Variants in DHRS7 observed in about 807,000 individuals in gnomAD.
DHRS7 encodes the protein dehydrogenase/reductase SDR family member 7.
In DHRS7, 34 loss-of-function variants were observed where a neutral mutation model predicts 38.9. The ratio of observed to expected loss-of-function variants is 0.87; its 90% CI spans 0.66 to 1.16. The LOEUF (loss-of-function observed/expected upper bound fraction) is 1.16, where lower values mean the gene tolerates loss of function less well. Ranked by LOEUF, DHRS7 falls within the 50% of genes most tolerant of loss-of-function variation. The pLI, the probability that DHRS7 is intolerant of heterozygous loss-of-function variation, is 0.00. For missense variants in DHRS7, 421 were observed against 407.0 expected (o/e 1.03, Z -0.30); for synonymous variants, 158 against 153.1 (o/e 1.03, Z -0.24).
At chr14:60,160,851 A>G (rs1370851333) in intron 1 of DHRS7, among the ~76,000 whole-genome samples, 1 of 152,162 alleles carries the variant, frequency 6.6e-6, no homozygotes, top group Non-Finnish European at 1.5e-5. Context: ...TCAGCCTCCC[A>G]AAGTGCTGGG....
At chr14:60,150,658 A>G (rs536124918) in intron 4 of DHRS7, among the ~76,000 whole-genome samples, 2 of 152,268 alleles carry the variant, frequency 1.3e-5, no homozygotes, top group South Asian at 2.1e-4. Flanking sequence ...ATCCTTTTTT[A>G]TGGATGCATA....
In DHRS7 at chr14:60,165,251, A is replaced by C. The variant is rs766140139; in HGVS notation, c.59T>G (p.Val20Gly). 1 of 1,609,006 alleles carries C rather than the reference A, an allele frequency of 6.2e-7. No individual in the cohort carries two copies. The highest frequency in any genetic ancestry group is 1.3e-5 in the African/African-American group (1 of 74,916). Residue 20 changes from valine to glycine, a missense_variant, in exon 1 of 7, where the codon GTG (valine) becomes GGG (glycine). Transcript: ENST00000557185. This position sits in a 1 kb window ranked among gnomAD's most constrained non-coding sequence, Gnocchi z 4.6. ...LVLCALLLLL[V>G]QLLRFLRADG... ...AGCCCTCAGGAAGCGCAGCAGCTGC[A>C]CCAAGAGCAGGAGCAGCGCGCACAG...
chr14:60,150,825 A>C (rs1231381105), intron 4 of DHRS7, among the ~76,000 whole-genome samples: 3 of 152,204 alleles, frequency 2.0e-5, no homozygotes, highest in Non-Finnish European at 2.9e-5. Flanking sequence ...AGCTCTTTCC[A>C]GGTATAAATG....
Position 60,154,000 on chromosome 14 carries a change from G to A in DHRS7, c.352C>T (p.His118Tyr), listed in dbSNP as rs146929831. ...LPLDLTDTGSHEAATKAVLQE... is the reference protein window; with the variant it reads ...LPLDLTDTGSYEAATKAVLQE... ...AGAACAGCTTTGGTAGCCGCTTCATGGGAACCAGTGTCGGTCAGGTCAAGG... is the reference window on the plus strand; with the variant it reads ...AGAACAGCTTTGGTAGCCGCTTCATAGGAACCAGTGTCGGTCAGGTCAAGG... The change falls in exon 3 of 7, where the codon CAT (histidine) becomes TAT (tyrosine). Residue 118 changes from histidine to tyrosine, a missense_variant. By Grantham distance (83) the His-to-Tyr change is moderately conservative (BLOSUM62 2). Coordinates refer to ENST00000557185, the MANE Select transcript of DHRS7 (RefSeq NM_016029.4). The surrounding 1 kb of genome is among the most constrained non-coding windows in gnomAD (Gnocchi z 4.4). 6.8e-6 allele frequency: 11 copies of A among 1,613,932 alleles called. No homozygotes were observed. In the African/African-American group the frequency reaches 1.3e-4, roughly 20 times the overall value.
upstream of DHRS7, among the ~76,000 whole-genome samples, chr14:60,169,326 G>A (rs1035241055): frequency 2.6e-5 from 4 of 152,104 alleles, no homozygotes; most frequent in African/African-American, 9.7e-5. Context: ...CTCACCTCCT[G>A]TGTGCAAACC....
rs1292054764 is a variant in DHRS7, at chr14:60,162,623, G to A, written c.133+2554C>T. ...AATAATAAACCTACAGAGAAGTCAA[G>A]AAGGATTTTTTTTTCTTTTTTCATC... is the stretch of plus-strand genomic sequence containing the variant. On this transcript the variant is annotated intron_variant, in intron 1 of 6. Transcript: ENST00000557185. This position sits in a 1 kb window ranked among gnomAD's most constrained non-coding sequence, Gnocchi z 4.5. Among the ~76,000 whole-genome samples, 2 of 152,104 alleles carry A rather than the reference G, an allele frequency of 1.3e-5. No individual in the cohort carries two copies. The highest frequency in any genetic ancestry group is 6.5e-5 in the Admixed American group (1 of 15,280).
chr14:60,166,660 C>T (rs1896871405), upstream of DHRS7, among the ~76,000 whole-genome samples: 1 of 152,154 alleles, frequency 6.6e-6, no homozygotes, highest in African/African-American at 2.4e-5. Context: ...CCTCATCCTT[C>T]TCTAAAAAGC....
Position 60,149,457 on chromosome 14 carries a change from G to C in DHRS7, c.868C>G (p.Pro290Ala). ...DLKEVWISEQPFLLVTYLWQY... is the reference protein window; with the variant it reads ...DLKEVWISEQAFLLVTYLWQY... The stretch of plus-strand genomic sequence containing the variant: ...CACAAATATGTTACTAACAAGAAAG[G>C]TTGTTCTGAGATCCAAACTTCTTTC... The change falls in exon 6 of 7, where the codon CCT (proline) becomes GCT (alanine). Residue 290 changes from proline to alanine, a missense_variant. Coordinates refer to ENST00000557185, the MANE Select transcript of DHRS7 (RefSeq NM_016029.4). 1 of 1,614,118 alleles carries C rather than the reference G, an allele frequency of 6.2e-7. No individual in the cohort carries two copies. The highest frequency in any genetic ancestry group is 8.5e-7 in the Non-Finnish European group (1 of 1,180,000).
upstream of DHRS7, among the ~76,000 whole-genome samples, chr14:60,165,844 T>G (rs1896860354): frequency 6.6e-6 from 1 of 152,170 alleles, no homozygotes; most frequent in African/African-American, 2.4e-5. This position sits in a 1 kb window ranked among gnomAD's most constrained non-coding sequence, Gnocchi z 4.6. Flanking sequence ...ACTGTGGCTA[T>G]CACTCAAGAC....
chr14:60,167,929 C>T (rs1341449732), upstream of DHRS7, among the ~76,000 whole-genome samples: 1 of 152,170 alleles, frequency 6.6e-6, no homozygotes, highest in Non-Finnish European at 1.5e-5. Flanking sequence ...AAGCTCACAG[C>T]ACCCTTACTC....
chr14:60,150,197 A>G lies in DHRS7; in HGVS notation c.634-10T>C. 6.6e-6 allele frequency: 2 copies of G among 301,082 alleles called. No homozygotes were observed. Among genetic ancestry groups the G allele is most frequent in the South Asian group, 4.7e-5 (1 of 21,268 alleles). 18.7% of individuals were successfully genotyped at this position (301,082 alleles called of 1,614,324 possible). ...GGCCATTAAAAAAACCCTAACAGAC[A>G]AAAAAAAAAAAAAAGGAAAAAGGCA... On this transcript the variant is annotated splice_polypyrimidine_tract_variant and intron_variant, in intron 4 of 6. Coordinates refer to ENST00000557185, the MANE Select transcript of DHRS7 (RefSeq NM_016029.4).
rs1364951086 is a variant in DHRS7 at position 60,148,395 on chromosome 14, A to G, written c.972+958T>C. ...ATAATCTTTTGCTGCATAATCATCTATAATTTTTGGTTTACTTCATTACAT... is the reference window on the plus strand; with the variant it reads ...ATAATCTTTTGCTGCATAATCATCTGTAATTTTTGGTTTACTTCATTACAT... On this transcript the variant is annotated intron_variant, in intron 6 of 6. Transcript: ENST00000557185. The surrounding 1 kb of genome is among the most constrained non-coding windows in gnomAD (Gnocchi z 4.8). Among the ~76,000 whole-genome samples the G allele has an allele frequency of 6.6e-6, 1 of 152,178 alleles. No homozygotes were observed. The highest frequency in any genetic ancestry group is 1.5e-5 in the Non-Finnish European group (1 of 68,036).
chr14:60,165,081 G>A lies in DHRS7; in HGVS notation c.133+96C>T, dbSNP rs1896840037. ...GGGAAGCTCCACGCAACCCACAAAG[G>A]ACCCGGGATCACTGCAGAACCCCCG... is the stretch of plus-strand genomic sequence containing the variant. On this transcript the variant is annotated intron_variant, in intron 1 of 6. Transcript: ENST00000557185. This position sits in a 1 kb window ranked among gnomAD's most constrained non-coding sequence, Gnocchi z 4.6. 1 of 1,478,758 alleles carries A rather than the reference G, an allele frequency of 6.8e-7. No individual in the cohort carries two copies. Among genetic ancestry groups the A allele is most frequent in the African/African-American group, 1.4e-5 (1 of 71,956 alleles). The allele number at this position is 1,478,758 out of a possible 1,614,324, so 91.6% of individuals were successfully genotyped here.
chr14:60,147,169 A>G (rs1896428369), intron 6 of DHRS7: 1 of 152,058 alleles, frequency 6.6e-6, no homozygotes, highest in African/African-American at 2.4e-5. Context: ...GGAGGTAGAG[A>G]TGGGAGTGAG....
Position 60,148,609 on chromosome 14 carries a change from G to A in DHRS7, c.972+744C>T, listed in dbSNP as rs1896464177. On this transcript the variant is annotated intron_variant, in intron 6 of 6. Transcript: ENST00000557185. The surrounding 1 kb of genome is among the most constrained non-coding windows in gnomAD (Gnocchi z 4.8). ...CTTCGGGAATGAGGTAAAACTGCAT[G>A]CATCTGTTTTAACAACACAGTAAGT... 6.6e-6 allele frequency among the ~76,000 whole-genome samples: 1 copy of A among 152,142 alleles called. No individual in the cohort carries two copies. The highest frequency in any genetic ancestry group is 1.5e-5 in the Non-Finnish European group (1 of 68,020).
Position 60,165,163 on chromosome 14 carries a change from T to C in DHRS7, c.133+14A>G, listed in dbSNP as rs565607764. ...CCGGCCTCCCACTCGGGAGAGGCTT[T>C]GGCCGGTCCTCACCTGGGCGTCGTC... On this transcript the variant is annotated intron_variant, in intron 1 of 6. Coordinates refer to ENST00000557185, the MANE Select transcript of DHRS7 (RefSeq NM_016029.4). The surrounding 1 kb of genome is among the most constrained non-coding windows in gnomAD (Gnocchi z 4.6). The C allele has an allele frequency of 1.9e-6, 3 of 1,611,438 alleles. No homozygotes were observed. The East Asian group carries it at 6.7e-5, about 36-fold the overall frequency.
At position 60,150,073 on chromosome 14, in the gene DHRS7, C is replaced by T. The variant is rs1219833683; in HGVS notation, c.748G>A (p.Val250Ile). Residue 250 changes from valine (V) to isoleucine (I), a missense_variant, in exon 5 of 7, where the codon GTC becomes ATC. Physicochemically the swap from Val to Ile is conservative, Grantham distance 29. Coordinates refer to ENST00000557185, the MANE Select transcript of DHRS7 (RefSeq NM_016029.4). ...NIVENSLAGEVTKTIGNNGDQ... is the reference protein window; with the variant it reads ...NIVENSLAGEITKTIGNNGDQ... ...CAACTAGAAATTTTTACCTTTGTGA[C>T]TTCTCCAGCTAGGGAATTCTCCACA... 2 of 1,594,924 alleles carry T rather than the reference C, an allele frequency of 1.3e-6. No homozygotes were observed. Among genetic ancestry groups the T allele is most frequent in the Non-Finnish European group, 1.7e-6 (2 of 1,175,136 alleles).
At chr14:60,160,314 TCAAAAAA>T (rs1238260242) in intron 1 of DHRS7, among the ~76,000 whole-genome samples, 15 of 142,534 alleles carry the variant, frequency 1.1e-4, no homozygotes, top group South Asian at 2.4e-4. Context: ...AGACTCTATC[TCAAAAAA>T]CAAAAAACAA....
intron 1 of DHRS7, among the ~76,000 whole-genome samples, chr14:60,157,917 T>G (rs1896689543): frequency 6.6e-6 from 1 of 151,966 alleles, no homozygotes; most frequent in Non-Finnish European, 1.5e-5. Context: ...CACTTGTCCT[T>G]AAGAAAAAGG....
Sources: gnomAD v4.1 joint callset for allele counts (sites outside exome capture counted in the v4.1 genomes callset) on GRCh38, gnomAD v4.1.1 for gene constraint, Gnocchi (gnomAD v3.1) non-coding constraint, MANE v1.5 for transcripts, NCBI Gene and HGNC (gene_info 2026-07-23, HGNC 2026-07-21) for gene names.